The following RRM1 variants were observed in gnomAD, a reference collection of about 807,000 sequenced individuals.
RRM1 encodes the protein ribonucleoside-diphosphate reductase large subunit.
Under a neutral mutation model 101.5 loss-of-function variants are expected in RRM1, and 19 were observed. The ratio of observed to expected loss-of-function variants is 0.19; its 90% CI spans 0.13 to 0.27. The LOEUF (loss-of-function observed/expected upper bound fraction) is 0.27. Ranked by LOEUF, RRM1 falls within the 10% of genes least tolerant of loss-of-function variation. The probability of loss-of-function intolerance (pLI) is 1.00; values close to 1 mark genes in which losing one functional copy is unlikely to be tolerated. For missense variants in RRM1, 500 were observed against 962.9 expected, an observed-to-expected ratio of 0.52 and a Z score of 6.36; for synonymous variants, 298 against 323.4, an observed-to-expected ratio of 0.92 and a Z score of 0.84.
intron 5 of RRM1, among the ~76,000 whole-genome samples, chr11:4,110,532 C>T (rs963543403): frequency 5.3e-5 from 8 of 152,214 alleles, no homozygotes; most frequent in African/African-American, 1.9e-4. Context: ...CTTTAGGAAG[C>T]CGAGGCGGGC....
In RRM1 at chr11:4,132,955, C is replaced by T. The variant is rs1241073907; in HGVS notation, c.1905+534C>T. 6.6e-6 allele frequency among the ~76,000 whole-genome samples: 1 copy of T among 152,118 alleles called. No individual in the cohort carries two copies. Among genetic ancestry groups the T allele is most frequent in the Non-Finnish European group, 1.5e-5 (1 of 68,020 alleles). ...AGTTCTGTAAAGTTCGAGAAGGATA[C>T]GTTTCCAATTTTTTTAACCTAAGTA... On this transcript the variant is annotated intron_variant, in intron 16 of 18. Coordinates refer to ENST00000300738, the MANE Select transcript of RRM1 (RefSeq NM_001033.5). This position sits in a 1 kb window ranked among gnomAD's most constrained non-coding sequence, Gnocchi z 4.1.
intron 15 of RRM1, among the ~76,000 whole-genome samples, chr11:4,131,519 G>A (rs566709761): frequency 6.6e-6 from 1 of 152,256 alleles, no homozygotes; most frequent in South Asian, 2.1e-4. Flanking sequence ...TAAGGTATAC[G>A]GAAAGGTACA....
Position 4,121,779 on chromosome 11 carries a change from A to G in RRM1, c.1038+14A>G. On this transcript the variant is annotated intron_variant, in intron 10 of 18. Transcript: ENST00000300738. Reference sequence around the variant, plus strand: ...GAGACTAATCAGGTGAGAGATAGGTACTTGTTGGTAATAGCAACTTGATTC... The same window carrying G: ...GAGACTAATCAGGTGAGAGATAGGTGCTTGTTGGTAATAGCAACTTGATTC... 6.3e-7 allele frequency: 1 copy of G among 1,576,814 alleles called. No individual in the cohort carries two copies. The highest frequency in any genetic ancestry group is 8.6e-7 in the Non-Finnish European group (1 of 1,165,118).
rs754699377 is a variant in RRM1, at chr11:4,121,555, C to T, written c.877-49C>T. Reference sequence around the variant, plus strand: ...AAGTGCTTTGGGAGACATGATGTTTCTTTGTTTCATTTTTATTCTGAAGAG... The same window carrying T: ...AAGTGCTTTGGGAGACATGATGTTTTTTTGTTTCATTTTTATTCTGAAGAG... On this transcript the variant is annotated intron_variant, in intron 9 of 18. Transcript: ENST00000300738. The T allele has an allele frequency of 3.4e-6, 5 of 1,478,078 alleles. No individual in the cohort carries two copies. The Middle Eastern group carries it at 7.1e-4, about 211-fold the overall frequency. 91.6% of individuals were successfully genotyped at this position (1,478,078 alleles called of 1,614,324 possible).
chr11:4,110,524 T>G (rs1390086462), intron 5 of RRM1, among the ~76,000 whole-genome samples: 1 of 152,170 alleles, frequency 6.6e-6, no homozygotes, highest in Admixed American at 6.5e-5. Flanking sequence ...TCCCAGCACT[T>G]TAGGAAGCCG....
chr11:4,135,379 T>G (rs1316390692), intron 18 of RRM1, 109 bp downstream of exon 18: 2 of 819,102 alleles, frequency 2.4e-6, no homozygotes, highest in East Asian at 2.8e-5. Context: ...AGAAGTTCTT[T>G]AAGTTCAAAT....
chr11:4,094,973 T>C lies in RRM1; in HGVS notation c.-40T>C. The C allele has an allele frequency of 6.4e-7, 1 of 1,554,544 alleles. No individual in the cohort carries two copies. Among genetic ancestry groups the C allele is most frequent in the Non-Finnish European group, 8.7e-7 (1 of 1,148,722 alleles). ...TCCCGCCGGCGCTTTAGAGCCGCAG[T>C]CCAGTCTTGGATCCTTCAGAGCCTC... On this transcript the variant is annotated 5_prime_UTR_variant, in exon 1 of 19. Transcript: ENST00000300738.
intron 7 of RRM1, 33 bp downstream of exon 7, chr11:4,112,095 C>T (rs1352419429): frequency 3.9e-6 from 6 of 1,543,414 alleles, no homozygotes; most frequent in Non-Finnish European, 5.3e-6. Flanking sequence ...TACGCCTTGA[C>T]CTGAAGAAAC....
rs747478907 is a variant in RRM1, at chr11:4,109,666, A to T, written c.410A>T (p.Tyr137Phe). The change falls in exon 5 of 19, where the codon TAT (tyrosine) becomes TTT (phenylalanine). Residue 137 changes from tyrosine (Y) to phenylalanine (F), a missense_variant. This residue lies in a region of RRM1 where 111 missense variants were observed against 219.8 expected (regional missense o/e 0.51). Coordinates refer to ENST00000300738, the MANE Select transcript of RRM1 (RefSeq NM_001033.5). Reference protein sequence around the residue: ...NKDRLNSAIIYDRDFSYNYFG... With the variant: ...NKDRLNSAIIFDRDFSYNYFG... ...CAGCGCCTGAATTCTGCTATTATCT[A>T]TGACCGAGATTTCTCTTACAATTAC... The T allele has an allele frequency of 6.2e-7, 1 of 1,609,950 alleles. No individual in the cohort carries two copies. The highest frequency in any genetic ancestry group is 8.5e-7 in the Non-Finnish European group (1 of 1,178,068).
At chr11:4,121,378 G>C (rs189315945) in intron 9 of RRM1, among the ~76,000 whole-genome samples, 14 of 152,174 alleles carry the variant, frequency 9.2e-5, no homozygotes, top group African/African-American at 3.4e-4. Flanking sequence ...AGTTAATCTT[G>C]TTTCACATTT....
intron 6 of RRM1, 39 bp downstream of exon 6, chr11:4,111,679 C>A: frequency 1.3e-6 from 2 of 1,517,176 alleles, no homozygotes; most frequent in South Asian, 1.2e-5. Context: ...ATTTTCTACT[C>A]ATTATATTGA....
rs1300852860 is a variant in RRM1, at chr11:4,138,607, A to C, written c.*224A>C. ...ATGCTTTTGAAAAAAAGAAAAAAAAAACGGATATATTGAGAATCAAAGTAG... is the reference window on the plus strand; with the variant it reads ...ATGCTTTTGAAAAAAAGAAAAAAAACACGGATATATTGAGAATCAAAGTAG... On this transcript the variant is annotated 3_prime_UTR_variant, in exon 19 of 19. Coordinates refer to ENST00000300738, the MANE Select transcript of RRM1 (RefSeq NM_001033.5). 2 of 351,818 alleles carry C rather than the reference A, an allele frequency of 5.7e-6. No homozygotes were observed. Among genetic ancestry groups the C allele is most frequent in the Non-Finnish European group, 1.0e-5 (2 of 197,192 alleles). 21.8% of individuals were successfully genotyped at this position (351,818 alleles called of 1,614,324 possible). A position where few individuals can be genotyped will look rare whatever the true frequency, so the allele number is the denominator to read the frequency against.
intron 8 of RRM1, 36 bp downstream of exon 8, chr11:4,118,497 C>A (rs745725935): frequency 6.2e-7 from 1 of 1,612,102 alleles, no homozygotes; most frequent in Admixed American, 1.7e-5. Context: ...AAGGGGGATT[C>A]AAGTCTAAAA....
At position 4,106,134 on chromosome 11, in the gene RRM1, C is replaced by A; in HGVS notation, c.197C>A (p.Thr66Asn). ...LDTLAAETAA[T>N]LTTKHPDYAI... ...ACTTTGGCTGCTGAAACAGCTGCAA[C>A]CTTGACTACTAAGCACCCTGACTAT... is the stretch of plus-strand genomic sequence containing the variant. Residue 66 changes from threonine to asparagine, a missense_variant, in exon 3 of 19, where the codon ACC becomes AAC. Physicochemically the swap from Thr to Asn is moderately conservative, Grantham distance 65. Coordinates refer to ENST00000300738, the MANE Select transcript of RRM1 (RefSeq NM_001033.5). The A allele has an allele frequency of 5.6e-6, 9 of 1,613,964 alleles. No homozygotes were observed. Among genetic ancestry groups the A allele is most frequent in the African/African-American group, 1.3e-5 (1 of 75,030 alleles).
intron 15 of RRM1, among the ~76,000 whole-genome samples, chr11:4,130,066 T>G (rs7947605): frequency 3.0e-5 from 1 of 32,974 alleles, no homozygotes; most frequent in Non-Finnish European, 5.9e-5. Flanking sequence ...TGTACTGTAT[T>G]TATATATATA....
intron 8 of RRM1, among the ~76,000 whole-genome samples, 198 bp downstream of exon 8, chr11:4,118,659 T>G (rs968612104): frequency 2.0e-5 from 3 of 152,208 alleles, no homozygotes; most frequent in African/African-American, 7.2e-5. Flanking sequence ...TTTGACTAGA[T>G]AATCTCTAGA....
In RRM1 at chr11:4,131,366, A is replaced by G. The variant is rs2133321276; in HGVS notation, c.1770-920A>G. On this transcript the variant is annotated intron_variant, in intron 15 of 18. Coordinates refer to ENST00000300738, the MANE Select transcript of RRM1 (RefSeq NM_001033.5). ...AGTTCAAGATGAGATTTGGGTGGGGACACAGCCAAACTATATCCAGTTGTA... is the reference window on the plus strand; with the variant it reads ...AGTTCAAGATGAGATTTGGGTGGGGGCACAGCCAAACTATATCCAGTTGTA... Among the ~76,000 whole-genome samples, 4 of 152,304 alleles carry G rather than the reference A, an allele frequency of 2.6e-5. No homozygotes were observed. The Middle Eastern group carries it at 0.014, about 518-fold the overall frequency.
chr11:4,111,702 G>A, intron 6 of RRM1, 62 bp downstream of exon 6: 6 of 1,381,106 alleles, frequency 4.3e-6, no homozygotes, highest in South Asian at 1.3e-5. Flanking sequence ...GTATAGCTTT[G>A]AGCTATAAGT....
intron 1 of RRM1, among the ~76,000 whole-genome samples, chr11:4,098,054 T>C (rs1265453662): frequency 1.3e-5 from 2 of 152,162 alleles, no homozygotes; most frequent in Non-Finnish European, 2.9e-5. Context: ...TTGCAGTAAA[T>C]GACAAAGTAG....
Sources: allele counts gnomAD v4.1 joint callset (sites outside exome capture counted in the v4.1 genomes callset), GRCh38; gene constraint gnomAD v4.1.1; regional missense constraint gnomAD v4.1.1; non-coding constraint Gnocchi (gnomAD v3.1); transcripts MANE v1.5; gene names NCBI Gene and HGNC (gene_info 2026-07-23, HGNC 2026-07-21).